Variants in TMEM132E observed in about 807,000 individuals in gnomAD.
The protein encoded by TMEM132E is transmembrane protein 132E.
Under a neutral mutation model 78.5 loss-of-function variants are expected in TMEM132E, and 49 were observed. The observed-to-expected ratio is 0.62, with a 90% CI of 0.50 to 0.79. TMEM132E has a LOEUF of 0.79. Ranked by LOEUF, TMEM132E falls within the 30% of genes least tolerant of loss-of-function variation. TMEM132E has a pLI of 0.00. For synonymous variants in TMEM132E, 715 were observed against 670.6 expected (o/e 1.07, Z -1.02); for missense variants, 1,403 against 1,470.9 (o/e 0.95, Z 0.75).
At chr17:34,620,775 A>G (rs550050379) in intron 1 of TMEM132E, among the ~76,000 whole-genome samples, 16 of 152,332 alleles carry the variant, frequency 1.1e-4, no homozygotes, top group African/African-American at 3.8e-4. Context: ...GGTGGCCGTG[A>G]GAGGTATCAG....
rs147057283 is a variant in TMEM132E, at chr17:34,616,944, G to T, written c.68-9183G>T. Among the ~76,000 whole-genome samples the T allele has an allele frequency of 7.9e-5, 12 of 152,326 alleles. No individual in the cohort carries two copies. The South Asian group carries it at 2.5e-3, about 32-fold the overall frequency. On this transcript the variant is annotated intron_variant, in intron 1 of 8. Transcript: ENST00000631683. ...GGCACCGGGCTTGGCGAGCAGAGCC[G>T]GGGCTGGGTTTTAACCTCTGTTTGC... is the stretch of plus-strand genomic sequence containing the variant.
chr17:34,603,596 G>A (rs555936869), intron 1 of TMEM132E, among the ~76,000 whole-genome samples: 6 of 152,304 alleles, frequency 3.9e-5, no homozygotes, highest in African/African-American at 7.2e-5. Flanking sequence ...GTCAGGCAGC[G>A]ATGCTGAGTG....
chr17:34,636,128 C>T lies in TMEM132E; in HGVS notation c.2099C>T (p.Pro700Leu). Residue 700 changes from proline to leucine, a missense_variant, in exon 8 of 9, where the codon CCC becomes CTC. By Grantham distance (98) the Pro-to-Leu change is moderately conservative. Coordinates refer to ENST00000631683, the MANE Select transcript of TMEM132E (RefSeq NM_001304438.2). ...GCCAGCCTGGCCCTCTCCCTGCGGCCCAGCCCTGGGAGCAGCCACACCATC... is the reference window on the plus strand; with the variant it reads ...GCCAGCCTGGCCCTCTCCCTGCGGCTCAGCCCTGGGAGCAGCCACACCATC... ...VVASLALSLR[P>L]SPGSSHTILA... 1.3e-6 allele frequency: 2 copies of T among 1,592,770 alleles called. No homozygotes were observed. The highest frequency in any genetic ancestry group is 1.1e-5 in the South Asian group (1 of 88,256).
At chr17:34,586,281 T>TTGTGTG (rs60429243) in intron 1 of TMEM132E, among the ~76,000 whole-genome samples, 22 of 150,610 alleles carry the variant, frequency 1.5e-4, no homozygotes, top group African/African-American at 4.6e-4. Context: ...AATGAACCAG[T>TTGTGTG]TGTGTGTGTG....
At chr17:34,584,370 A>G (rs997012506) in intron 1 of TMEM132E, among the ~76,000 whole-genome samples, 2 of 152,222 alleles carry the variant, frequency 1.3e-5, no homozygotes, top group African/African-American at 2.4e-5. Context: ...GCCTCCGTAG[A>G]TTACCCCCTA....
intron 1 of TMEM132E, among the ~76,000 whole-genome samples, chr17:34,594,242 G>A (rs747473731): frequency 2.6e-5 from 4 of 152,176 alleles, no homozygotes; most frequent in Non-Finnish European, 4.4e-5. Flanking sequence ...AATGATCTGC[G>A]GGATGAATGA....
At chr17:34,627,130 G>A in intron 2 of TMEM132E, 73 bp downstream of exon 2, 1 of 819,318 alleles carries the variant, frequency 1.2e-6, no homozygotes, top group Non-Finnish European at 2.0e-6. Context: ...TTGTGGGTGG[G>A]TTGGGGGGTG....
At chr17:34,628,807 T>G in intron 3 of TMEM132E, 98 bp downstream of exon 3, 1 of 1,438,934 alleles carries the variant, frequency 6.9e-7, no homozygotes, top group Non-Finnish European at 9.2e-7. Context: ...TGGGGAGGGC[T>G]GGGGCTCGGT....
intron 2 of TMEM132E, among the ~76,000 whole-genome samples, chr17:34,627,538 A>T (rs1249859418): frequency 6.9e-6 from 1 of 145,172 alleles, no homozygotes; most frequent in Admixed American, 7.1e-5. Flanking sequence ...TAGAGTTGGG[A>T]GAAAAATTTT....
rs1905446610 is a variant in TMEM132E at position 34,580,895 on chromosome 17, G to T, written c.-182G>T. 6.4e-6 allele frequency: 3 copies of T among 465,280 alleles called. No homozygotes were observed. In the South Asian group the frequency reaches 1.1e-4, roughly 17 times the overall value. The allele number at this position is 465,280 out of a possible 1,614,324, so 28.8% of individuals were successfully genotyped here. ...CCCCACCGGCTCCGAGGGTGTAGCC[G>T]CCAGCGCCTGGGACGCCCCCTCCCC... On this transcript the variant is annotated 5_prime_UTR_variant, in exon 1 of 9. Transcript: ENST00000631683.
chr17:34,591,924 G>A (rs1050468381), intron 1 of TMEM132E, among the ~76,000 whole-genome samples: 3 of 152,224 alleles, frequency 2.0e-5, no homozygotes, highest in Non-Finnish European at 4.4e-5. Flanking sequence ...GCTGCCGCAT[G>A]AATGAGATCC....
chr17:34,590,092 G>A (rs947205453), intron 1 of TMEM132E, among the ~76,000 whole-genome samples: 6 of 152,166 alleles, frequency 3.9e-5, no homozygotes, highest in Non-Finnish European at 1.5e-5. Flanking sequence ...CTCCATCCTG[G>A]GGCATTGCCA....
chr17:34,629,924 G>A, intron 4 of TMEM132E, 84 bp from the exon 5 acceptor site: 2 of 1,382,004 alleles, frequency 1.4e-6, no homozygotes, highest in South Asian at 2.9e-5. Context: ...TGGGGGGGGA[G>A]CGTCCAGGAG....
intron 1 of TMEM132E, among the ~76,000 whole-genome samples, chr17:34,587,558 C>A (rs1644206996): frequency 1.3e-5 from 2 of 152,144 alleles, no homozygotes; most frequent in African/African-American, 2.4e-5. Context: ...GACCCCACAA[C>A]CTTCTCAGCC....
intron 1 of TMEM132E, among the ~76,000 whole-genome samples, chr17:34,611,075 T>G (rs1262335586): frequency 6.6e-6 from 1 of 152,244 alleles, no homozygotes; most frequent in African/African-American, 2.4e-5. Flanking sequence ...CCTCTAGTCA[T>G]GTGAAACTGC....
At chr17:34,602,744 C>T (rs938874705) in intron 1 of TMEM132E, among the ~76,000 whole-genome samples, 5 of 152,146 alleles carry the variant, frequency 3.3e-5, no homozygotes, top group African/African-American at 1.2e-4. Flanking sequence ...GAAGAGAACC[C>T]GGGAGCTGTA....
intron 1 of TMEM132E, among the ~76,000 whole-genome samples, chr17:34,610,745 A>G (rs2142066547): frequency 6.6e-6 from 1 of 152,356 alleles, no homozygotes. Flanking sequence ...AAGAACAGGG[A>G]GCGGGAGCAT....
rs1555565381 is a variant in TMEM132E at position 34,638,265 on chromosome 17, C to CG, written c.*33_*34insG. ...AGCCGGAGTAGCAGGGACCCCCCCC[C>CG]CCAACGGGGTCAGCTCGGGGTAGGA... On this transcript the variant is annotated 3_prime_UTR_variant, in exon 9 of 9. Transcript: ENST00000631683. The CG allele has an allele frequency of 9.5e-6, 14 of 1,470,624 alleles. No homozygotes were observed. Among genetic ancestry groups the CG allele is most frequent in the East Asian group, 5.0e-5 (2 of 39,618 alleles). The allele number at this position is 1,470,624 out of a possible 1,614,324, so 91.1% of individuals were successfully genotyped here.
chr17:34,627,185 A>G, intron 2 of TMEM132E, 128 bp downstream of exon 2: 1 of 1,057,300 alleles, frequency 9.5e-7, no homozygotes, highest in Non-Finnish European at 1.4e-6. Context: ...CTAATCCCGG[A>G]TCTGTCACTT....
Sources: gnomAD v4.1 joint callset for allele counts (sites outside exome capture counted in the v4.1 genomes callset) on GRCh38, gnomAD v4.1.1 for gene constraint, MANE v1.5 for transcripts, NCBI Gene and HGNC (gene_info 2026-07-23, HGNC 2026-07-21) for gene names.